Variants in SPTAN1 observed in about 807,000 individuals in gnomAD.
SPTAN1 encodes spectrin alpha, non-erythrocytic 1.
A neutral mutation model predicts 331.3 loss-of-function variants in SPTAN1; 61 were observed. The observed-to-expected ratio is 0.18, with a 90% CI of 0.15 to 0.23. The LOEUF is 0.23. Ranked by LOEUF, SPTAN1 falls within the 10% of genes least tolerant of loss-of-function variation. SPTAN1 has a pLI of 1.00. For missense variants in SPTAN1, 2,043 were observed against 3,147.9 expected, an observed-to-expected ratio of 0.65 and a Z score of 8.40; for synonymous variants, 1,153 against 1,173.9, an observed-to-expected ratio of 0.98 and a Z score of 0.36.
At chr9:128,617,936 G>A (rs1158672578) in intron 42 of SPTAN1, 51 bp from the exon 43 acceptor site, 1 of 1,613,896 alleles carries the variant, frequency 6.2e-7, no homozygotes, top group Non-Finnish European at 8.5e-7. Context: ...CTTCGAGACA[G>A]AAGCACCAGA....
chr9:128,561,314 G>C (rs979766095), intron 1 of SPTAN1, among the ~76,000 whole-genome samples: 1 of 147,100 alleles, frequency 6.8e-6, no homozygotes, highest in Non-Finnish European at 1.5e-5. Flanking sequence ...GGAGGTTGCA[G>C]TGAGTCAAGA....
At chr9:128,568,730 T>C (rs760597106) in intron 2 of SPTAN1, 42 bp from the exon 3 acceptor site, 1 of 1,612,594 alleles carries the variant, frequency 6.2e-7, no homozygotes, top group South Asian at 1.1e-5. Context: ...ATGCTGATGC[T>C]GTGTGGTTGC....
intron 15 of SPTAN1, among the ~76,000 whole-genome samples, chr9:128,583,498 G>A (rs890280602): frequency 2.0e-5 from 3 of 152,190 alleles, no homozygotes; most frequent in Admixed American, 6.5e-5. Context: ...GTCTGAGTGA[G>A]AAGGAACTGA....
chr9:128,610,154 C>T (rs530641724), intron 37 of SPTAN1, among the ~76,000 whole-genome samples: 110 of 152,114 alleles, frequency 7.2e-4, no homozygotes, highest in Non-Finnish European at 1.1e-3. Context: ...TGTAGAGAGA[C>T]GGATGGTCTA....
intron 40 of SPTAN1, among the ~76,000 whole-genome samples, chr9:128,614,737 C>T (rs753948032): frequency 4.6e-5 from 7 of 152,108 alleles, no homozygotes; most frequent in Non-Finnish European, 1.0e-4. Context: ...CATGATCACA[C>T]CACCGCACTC....
At chr9:128,623,862 A>C (rs1424521910) in intron 45 of SPTAN1, among the ~76,000 whole-genome samples, 5 of 151,516 alleles carry the variant, frequency 3.3e-5, no homozygotes, top group Non-Finnish European at 5.9e-5. Flanking sequence ...GAGGTGGGCA[A>C]ATCACCTGAG....
At chr9:128,561,711 T>G in intron 1 of SPTAN1, among the ~76,000 whole-genome samples, 1 of 139,244 alleles carries the variant, frequency 7.2e-6, no homozygotes, top group Non-Finnish European at 1.5e-5. Context: ...ATGTCAACTC[T>G]AATCATGTTA....
rs1856348231 is a variant in SPTAN1 at position 128,609,634 on chromosome 9, T to C, written c.4759-17T>C. Reference sequence around the variant, plus strand: ...ATCAGTGTACTGAACTCTTGTTCTTTTAATCTGTTTTTGTAGCTTTCCAAG... The same window carrying C: ...ATCAGTGTACTGAACTCTTGTTCTTCTAATCTGTTTTTGTAGCTTTCCAAG... On this transcript the variant is annotated splice_polypyrimidine_tract_variant and intron_variant, in intron 36 of 56. Transcript: ENST00000372739. 2 of 1,524,152 alleles carry C rather than the reference T, an allele frequency of 1.3e-6. No individual in the cohort carries two copies. The highest frequency in any genetic ancestry group is 2.4e-5 in the Admixed American group (1 of 42,012). The allele number at this position is 1,524,152 out of a possible 1,614,324, so 94.4% of individuals were successfully genotyped here.
chr9:128,560,559 T>C (rs1184342992), intron 1 of SPTAN1, among the ~76,000 whole-genome samples: 1 of 151,914 alleles, frequency 6.6e-6, no homozygotes, highest in Non-Finnish European at 1.5e-5. Flanking sequence ...TTTGGTATTT[T>C]TAGTAGAGAC....
chr9:128,574,961 G>A, intron 4 of SPTAN1, 146 bp downstream of exon 4: 1 of 1,212,942 alleles, frequency 8.2e-7, no homozygotes, highest in South Asian at 1.3e-5. Flanking sequence ...CTCTCCAGCT[G>A]CTCTCTAGGT....
intron 21 of SPTAN1, 49 bp downstream of exon 21, chr9:128,588,992 CGTA>C (rs1564239889): frequency 6.2e-7 from 1 of 1,607,920 alleles, no homozygotes; most frequent in Non-Finnish European, 8.5e-7. Flanking sequence ...GGCACCTCCA[CGTA>C]TGCTCAGTTG....
At position 128,584,309 on chromosome 9, in the gene SPTAN1, G is replaced by C; in HGVS notation, c.2221G>C (p.Ala741Pro). The change falls in exon 17 of 57, where the codon GCC becomes CCC. Residue 741 changes from alanine to proline, a missense_variant. Ala to Pro is a conservative substitution (Grantham distance 27). Transcript: ENST00000372739. ...QDRIDGITIQARQFQDAGHFD... is the reference protein window; with the variant it reads ...QDRIDGITIQPRQFQDAGHFD... Reference sequence around the variant, plus strand: ...CCGAATTGATGGCATCACCATTCAGGCCCGCCAGTTCCAAGATGCTGGCCA... The same window carrying C: ...CCGAATTGATGGCATCACCATTCAGCCCCGCCAGTTCCAAGATGCTGGCCA... 1 of 1,614,114 alleles carries C rather than the reference G, an allele frequency of 6.2e-7. No individual in the cohort carries two copies. Among genetic ancestry groups the C allele is most frequent in the Non-Finnish European group, 8.5e-7 (1 of 1,180,024 alleles).
rs763879792 is a variant in SPTAN1, at chr9:128,581,862, A to G, written c.1542A>G (p.Lys514=). 5 of 1,613,810 alleles carry G rather than the reference A, an allele frequency of 3.1e-6. No individual in the cohort carries two copies. The Admixed American group carries it at 8.3e-5, about 27-fold the overall frequency. The part of the protein sequence containing the change: ...ALLKKHEDFE[K]SLSAQEEKIT... ...TTAAGAAGCACGAAGACTTTGAGAA[A>G]TCCCTTAGTGCCCAGGAGGAAAAGA... is the stretch of plus-strand genomic sequence containing the variant. The change falls in exon 12 of 57, where the codon AAA becomes AAG. Residue 514 remains lysine, a synonymous_variant. Coordinates refer to ENST00000372739, the MANE Select transcript of SPTAN1 (RefSeq NM_001130438.3).
intron 1 of SPTAN1, among the ~76,000 whole-genome samples, chr9:128,560,099 T>TTTTA (rs376637069): frequency 2.1e-5 from 3 of 145,944 alleles, no homozygotes; most frequent in African/African-American, 7.6e-5. Flanking sequence ...TTTTTTTTTT[T>TTTTA]AAGAGACAGA....
At position 128,584,707 on chromosome 9, in the gene SPTAN1, G is replaced by A; in HGVS notation, c.2438-14G>A. ...TTCATGGTTGGATAACTGGGGACTGGTGTCTGCTTTCAGGTAAGGATTTAA... is the reference window on the plus strand; with the variant it reads ...TTCATGGTTGGATAACTGGGGACTGATGTCTGCTTTCAGGTAAGGATTTAA... On this transcript the variant is annotated splice_polypyrimidine_tract_variant and intron_variant, in intron 17 of 56. Transcript: ENST00000372739. The A allele has an allele frequency of 6.2e-7, 1 of 1,614,208 alleles. No homozygotes were observed. The highest frequency in any genetic ancestry group is 8.5e-7 in the Non-Finnish European group (1 of 1,180,034).
intron 40 of SPTAN1, 27 bp downstream of exon 40, chr9:128,613,512 CGAGT>C: frequency 1.9e-6 from 3 of 1,587,802 alleles, no homozygotes; most frequent in Non-Finnish European, 2.6e-6. Flanking sequence ...GGGCCAGGCC[CGAGT>C]GCCTGGGACA....
intron 19 of SPTAN1, 127 bp downstream of exon 19, chr9:128,586,092 T>G: frequency 2.5e-6 from 2 of 796,992 alleles, no homozygotes; most frequent in Non-Finnish European, 4.0e-6. Context: ...TAAAATGTTT[T>G]GGAATCCATT....
chr9:128,581,365 T>C (rs976117312), intron 11 of SPTAN1, among the ~76,000 whole-genome samples: 1 of 151,440 alleles, frequency 6.6e-6, no homozygotes, highest in Admixed American at 6.6e-5. Context: ...CCCAGCACTT[T>C]GGGAGGCTGA....
chr9:128,580,883 T>C, intron 10 of SPTAN1, 39 bp from the exon 11 acceptor site: 2 of 1,611,718 alleles, frequency 1.2e-6, no homozygotes, highest in South Asian at 1.1e-5. Context: ...GCATTGGGGC[T>C]GACCTCATCT....
Sources: gnomAD v4.1 joint callset for allele counts (sites outside exome capture counted in the v4.1 genomes callset) on GRCh38, gnomAD v4.1.1 for gene constraint, MANE v1.5 for transcripts, NCBI Gene and HGNC (gene_info 2026-07-23, HGNC 2026-07-21) for gene names.